The following ARIH2 variants were observed in gnomAD, a reference collection of about 807,000 sequenced individuals.
ARIH2 encodes ariadne RBR E3 ubiquitin protein ligase 2, also known as E3 ubiquitin-protein ligase ARIH2.
Under a neutral mutation model 79.8 loss-of-function variants are expected in ARIH2, and 12 were observed. That is an observed-to-expected ratio of 0.15 (90% CI 0.10 to 0.24). ARIH2 has a LOEUF of 0.24. ARIH2 is among the 10% of genes least tolerant of loss of function. The probability of loss-of-function intolerance (pLI) is 1.00; values close to 1 mark genes in which losing one functional copy is unlikely to be tolerated. For missense variants in ARIH2, 301 were observed against 618.3 expected (o/e 0.49, Z 5.44); for synonymous variants, 224 against 213.9 (o/e 1.05, Z -0.41).
At chr3:48,968,921 G>A (rs1222782020) in intron 7 of ARIH2, among the ~76,000 whole-genome samples, 7 of 152,188 alleles carry the variant, frequency 4.6e-5, no homozygotes, top group African/African-American at 1.7e-4. Context: ...GCCTTGCTGT[G>A]TTGCCTGGCT....
chr3:48,919,037 G>C (rs1343556627), intron 1 of ARIH2, 39 bp downstream of exon 1: 24 of 1,354,338 alleles, frequency 1.8e-5, no homozygotes, highest in Admixed American at 7.1e-5. Context: ...GTTTACCTTG[G>C]CTGGCCGCTG....
At position 48,961,672 on chromosome 3, in the gene ARIH2, T is replaced by A; in HGVS notation, c.316T>A (p.Leu106Met). Residue 106 changes from leucine (L) to methionine (M), a missense_variant, in exon 4 of 16, where the codon TTG becomes ATG. Leu to Met is a conservative substitution (Grantham distance 15). Coordinates refer to ENST00000356401, the MANE Select transcript of ARIH2 (RefSeq NM_006321.4). ...TTTCCACTGGCAAGTTTCAGAGATA[T>A]TGGACAGGTAAGGTATTTGGGGGAG... The part of the protein sequence containing the change: ...VNFHWQVSEI[L>M]DRYKSNSAQL... The A allele has an allele frequency of 1.9e-6, 3 of 1,605,940 alleles. No homozygotes were observed. In the Admixed American group the frequency reaches 5.0e-5, roughly 27 times the overall value.
intron 7 of ARIH2, among the ~76,000 whole-genome samples, chr3:48,969,637 A>T (rs564141658): frequency 3.3e-5 from 5 of 151,616 alleles, no homozygotes; most frequent in African/African-American, 9.7e-5. Context: ...ACTGGCGCGC[A>T]CCACCAAACC....
At chr3:48,933,394 T>G (rs2086663596) in intron 3 of ARIH2, among the ~76,000 whole-genome samples, 1 of 150,836 alleles carries the variant, frequency 6.6e-6, no homozygotes, top group South Asian at 2.1e-4. Flanking sequence ...AACTCCAGAG[T>G]TCAGACAATC....
intron 2 of ARIH2, chr3:48,924,761 A>G (rs1468768756): frequency 1.3e-5 from 2 of 151,970 alleles, no homozygotes; most frequent in African/African-American, 2.4e-5. Flanking sequence ...CAGTGGTGCA[A>G]TCTCTGCTCA....
chr3:48,959,121 C>G (rs1221888807), intron 3 of ARIH2, among the ~76,000 whole-genome samples: 1 of 150,722 alleles, frequency 6.6e-6, no homozygotes, highest in Non-Finnish European at 1.5e-5. Context: ...TCAAGACCAT[C>G]CTGGCTAACA....
chr3:48,969,307 G>T (rs1484129013), intron 7 of ARIH2, among the ~76,000 whole-genome samples: 2 of 151,720 alleles, frequency 1.3e-5, no homozygotes, highest in African/African-American at 4.8e-5. Context: ...GCATATTTAG[G>T]AGCTGCTGTT....
At chr3:48,930,122 T>C (rs150922469) in intron 3 of ARIH2, among the ~76,000 whole-genome samples, 48 of 152,216 alleles carry the variant, frequency 3.2e-4, no homozygotes, top group Middle Eastern at 3.4e-3. Flanking sequence ...CAAAAAAAGG[T>C]TGTGGCTCTT....
chr3:48,967,100 C>T (rs775065713), intron 5 of ARIH2, 25 bp from the exon 6 acceptor site: 1 of 1,610,060 alleles, frequency 6.2e-7, no homozygotes, highest in East Asian at 2.2e-5. Context: ...TCCTCTTTGG[C>T]TCATGTGGCT....
At chr3:48,934,561 A>C (rs2086856384) in intron 3 of ARIH2, 4 of 985,288 alleles carry the variant, frequency 4.1e-6, no homozygotes, top group Non-Finnish European at 4.8e-6. Context: ...CTGTCTTTGC[A>C]TGCCTCTATC....
chr3:48,955,266 C>T (rs953733435), intron 3 of ARIH2, among the ~76,000 whole-genome samples: 3 of 151,190 alleles, frequency 2.0e-5, no homozygotes, highest in African/African-American at 4.9e-5. Flanking sequence ...ACATGTTGAT[C>T]TAATAGAACT....
intron 5 of ARIH2, among the ~76,000 whole-genome samples, chr3:48,965,745 G>A (rs565473366): frequency 1.3e-5 from 2 of 152,308 alleles, no homozygotes; most frequent in East Asian, 3.9e-4. Context: ...CGGATCACTT[G>A]AGGTCAGGAG....
intron 3 of ARIH2, among the ~76,000 whole-genome samples, chr3:48,947,300 G>C (rs1285676002): frequency 6.6e-6 from 1 of 152,168 alleles, no homozygotes; most frequent in Non-Finnish European, 1.5e-5. Flanking sequence ...AATTAGCCGG[G>C]CGTTGTAGCG....
chr3:48,955,743 C>T (rs1470309073), intron 3 of ARIH2, among the ~76,000 whole-genome samples: 1 of 152,116 alleles, frequency 6.6e-6, no homozygotes, highest in African/African-American at 2.4e-5. Context: ...TTTGTTTTGG[C>T]CCTCCTGCCA....
intron 3 of ARIH2, among the ~76,000 whole-genome samples, chr3:48,928,825 A>G (rs2106943999): frequency 6.6e-6 from 1 of 152,050 alleles, no homozygotes; most frequent in East Asian, 1.9e-4. Context: ...CTGAAAGCTA[A>G]GTTGTTTTTT....
At chr3:48,937,331 A>G (rs1400846626) in intron 3 of ARIH2, among the ~76,000 whole-genome samples, 1 of 151,904 alleles carries the variant, frequency 6.6e-6, no homozygotes, top group Non-Finnish European at 1.5e-5. Flanking sequence ...GGTTTCCTGG[A>G]TTCTCTATCT....
intron 3 of ARIH2, among the ~76,000 whole-genome samples, chr3:48,960,439 T>A (rs2091125425): frequency 6.7e-6 from 1 of 150,180 alleles, no homozygotes; most frequent in Non-Finnish European, 1.5e-5. Flanking sequence ...TAGACAACCG[T>A]AGTGCAGCTC....
chr3:48,958,155 TCAA>T lies in ARIH2; in HGVS notation c.256-3444_256-3442del, dbSNP rs367651274. On this transcript the variant is annotated intron_variant, in intron 3 of 15. Transcript: ENST00000356401. Reference sequence around the variant, plus strand: ...CTGAGCAACATAATGAGACCCTCTCTCAACAACAACAACAAATCAACTGGGAGT... The same window carrying T: ...CTGAGCAACATAATGAGACCCTCTCTCAACAACAACAAATCAACTGGGAGT... 9.2e-5 allele frequency among the ~76,000 whole-genome samples: 14 copies of T among 152,264 alleles called. 2 individuals carry two copies. Among genetic ancestry groups the T allele is most frequent in the African/African-American group, 2.6e-4 (11 of 41,542 alleles).
At chr3:48,966,266 C>T in intron 5 of ARIH2, among the ~76,000 whole-genome samples, 1 of 152,146 alleles carries the variant, frequency 6.6e-6, no homozygotes, top group East Asian at 1.9e-4. Flanking sequence ...CAAAGGTTTC[C>T]AGAAGCAAAA....
Sources: gnomAD v4.1 joint callset for allele counts (sites outside exome capture counted in the v4.1 genomes callset) on GRCh38, gnomAD v4.1.1 for gene constraint, MANE v1.5 for transcripts, NCBI Gene and HGNC (gene_info 2026-07-23, HGNC 2026-07-21) for gene names.